CEPT1: variants seen among roughly 807,000 people sequenced by gnomAD.
CEPT1 encodes the protein choline/ethanolaminephosphotransferase 1.
In CEPT1, 7 loss-of-function variants were observed where a neutral mutation model predicts 42.6. That is an observed-to-expected ratio of 0.16 (90% confidence interval 0.09 to 0.31). The LOEUF (loss-of-function observed/expected upper bound fraction) is 0.31. CEPT1 is among the 10% of genes least tolerant of loss of function. CEPT1 has a pLI of 1.00. For synonymous variants in CEPT1, 171 were observed against 171.9 expected (o/e 0.99, Z 0.04); for missense variants, 306 against 502.1 (o/e 0.61, Z 3.73).
Position 111,140,272 on chromosome 1 carries a change from G to A in CEPT1, c.-109G>A, listed in dbSNP as rs1654354048. 2.6e-5 allele frequency: 4 copies of A among 152,446 alleles called. No homozygotes were observed. 9.4% of individuals were successfully genotyped at this position (152,446 alleles called of 1,614,324 possible). A position where few individuals can be genotyped will look rare whatever the true frequency, so the allele number is the denominator to read the frequency against. On this transcript the variant is annotated 5_prime_UTR_variant, in exon 1 of 9. Transcript: ENST00000357172. The stretch of plus-strand genomic sequence containing the variant: ...AGTCACCCAGTCGGCTGGAGTCGGA[G>A]GCGATATTTCTAGGGGTGTACTTGT...
At chr1:111,165,234 G>A (rs1269432565) in intron 4 of CEPT1, among the ~76,000 whole-genome samples, 3 of 150,824 alleles carry the variant, frequency 2.0e-5, no homozygotes, top group Non-Finnish European at 4.4e-5. Context: ...ATTTTTAGTA[G>A]AGACAGGGTT....
At chr1:111,155,100 A>G (rs998540886) in intron 2 of CEPT1, among the ~76,000 whole-genome samples, 1 of 152,132 alleles carries the variant, frequency 6.6e-6, no homozygotes, top group African/African-American at 2.4e-5. Flanking sequence ...CAGTAAAGGC[A>G]TTTGGTCCTG....
intron 1 of CEPT1, among the ~76,000 whole-genome samples, chr1:111,142,296 C>G (rs191466480): frequency 6.6e-6 from 1 of 152,126 alleles, no homozygotes; most frequent in Admixed American, 6.5e-5. Context: ...ATGTGTTTTC[C>G]TAGTTCTCCT....
At chr1:111,164,876 G>T (rs1656057165) in intron 4 of CEPT1, among the ~76,000 whole-genome samples, 1 of 151,616 alleles carries the variant, frequency 6.6e-6, no homozygotes, top group Admixed American at 6.6e-5. Context: ...GCCCACCTTG[G>T]CCTCCCAAAG....
intron 2 of CEPT1, among the ~76,000 whole-genome samples, chr1:111,151,859 A>G (rs1489665066): frequency 9.2e-5 from 14 of 152,154 alleles, no homozygotes; most frequent in Non-Finnish European, 1.5e-5. Context: ...AAATATTTTG[A>G]TTTTCTTCCT....
intron 2 of CEPT1, among the ~76,000 whole-genome samples, chr1:111,150,455 C>T (rs1372320971): frequency 6.6e-6 from 1 of 152,064 alleles, no homozygotes; most frequent in Non-Finnish European, 1.5e-5. Flanking sequence ...TCATCTAAGT[C>T]CTTATTTCTT....
At chr1:111,175,731 A>G (rs1273359398) in intron 5 of CEPT1, among the ~76,000 whole-genome samples, 2 of 152,170 alleles carry the variant, frequency 1.3e-5, no homozygotes, top group Non-Finnish European at 2.9e-5. Context: ...GTGCCTGTCA[A>G]ATAATAAGCA....
At chr1:111,170,660 G>A (rs529197846) in intron 4 of CEPT1, among the ~76,000 whole-genome samples, 1 of 152,238 alleles carries the variant, frequency 6.6e-6, no homozygotes, top group African/African-American at 2.4e-5. Flanking sequence ...AATCTATAAT[G>A]AATGTCATGC....
At chr1:111,164,693 G>A (rs541786897) in intron 4 of CEPT1, among the ~76,000 whole-genome samples, 12 of 151,884 alleles carry the variant, frequency 7.9e-5, no homozygotes, top group Admixed American at 2.0e-4. Context: ...GCACAACCTC[G>A]GCTCACTGCA....
chr1:111,153,360 C>T (rs989904861), intron 2 of CEPT1, among the ~76,000 whole-genome samples: 19 of 152,126 alleles, frequency 1.2e-4, no homozygotes, highest in Admixed American at 3.3e-4. Flanking sequence ...AGGCATACAC[C>T]GCCATACCTG....
chr1:111,167,919 G>T (rs1471650481), intron 4 of CEPT1: 3 of 478,154 alleles, frequency 6.3e-6, no homozygotes, highest in East Asian at 3.1e-4. Context: ...TTGAGATAGA[G>T]TCTCATTTTG....
intron 1 of CEPT1, among the ~76,000 whole-genome samples, chr1:111,145,382 ATTTAT>A (rs1358303517): frequency 6.6e-6 from 1 of 152,146 alleles, no homozygotes; most frequent in Non-Finnish European, 1.5e-5. Context: ...ATTTTTGAAA[ATTTAT>A]TTAAGGGCAT....
At chr1:111,178,134 G>A (rs1656779915) in intron 5 of CEPT1, 1 of 152,004 alleles carries the variant, frequency 6.6e-6, no homozygotes, top group Non-Finnish European at 1.5e-5. Flanking sequence ...TCACATTTTT[G>A]TGTGCCAAAT....
intron 2 of CEPT1, 47 bp downstream of exon 2, chr1:111,148,100 G>A (rs902917884): frequency 3.5e-6 from 5 of 1,426,370 alleles, no homozygotes; most frequent in Non-Finnish European, 4.9e-6. Flanking sequence ...TACCAAAAAC[G>A]TTGTAATTGG....
chr1:111,165,042 G>GTT (rs1656067717), intron 4 of CEPT1, among the ~76,000 whole-genome samples: 2 of 137,412 alleles, frequency 1.5e-5, no homozygotes, highest in South Asian at 2.4e-4. Context: ...TAAAACATCG[G>GTT]TCTTTTTTTT....
Position 111,154,187 on chromosome 1 carries a change from G to GTATTTTATTTTATTT in CEPT1, c.340-5142_340-5128dup, listed in dbSNP as rs201981261. On this transcript the variant is annotated intron_variant, in intron 2 of 8. Transcript: ENST00000357172. ...ACTCCTTGGTTAAATTTATTCCCAA[G>GTATTTTATTTTATTT]TATTTTATTTTATTTTATTTTATTT... Among the ~76,000 whole-genome samples, 121 of 131,148 alleles carry GTATTTTATTTTATTT rather than the reference G, an allele frequency of 9.2e-4. 2 individuals are homozygous for GTATTTTATTTTATTT. The East Asian group carries it at 0.013, about 14-fold the overall frequency. The allele number at this position is 131,148 out of a possible 152,430, so 86.0% of individuals were successfully genotyped here. A position where few individuals can be genotyped will look rare whatever the true frequency, so the allele number is the denominator to read the frequency against.
At chr1:111,176,337 A>T (rs575453392) in intron 5 of CEPT1, among the ~76,000 whole-genome samples, 4 of 152,210 alleles carry the variant, frequency 2.6e-5, no homozygotes, top group Non-Finnish European at 5.9e-5. Flanking sequence ...ATGGGAAGGA[A>T]ATAATAGTTT....
chr1:111,176,101 A>G (rs1037423752), intron 5 of CEPT1, among the ~76,000 whole-genome samples: 1 of 152,214 alleles, frequency 6.6e-6, no homozygotes, highest in South Asian at 2.1e-4. Context: ...TTTGTTGGGA[A>G]GATGAATCTG....
At chr1:111,143,988 C>T (rs1654810701) in intron 1 of CEPT1, among the ~76,000 whole-genome samples, 1 of 152,166 alleles carries the variant, frequency 6.6e-6, no homozygotes, top group Non-Finnish European at 1.5e-5. Flanking sequence ...CCTCAGCCTT[C>T]CAAAGTGCTG....
Sources: allele counts gnomAD v4.1 joint callset (sites outside exome capture counted in the v4.1 genomes callset), GRCh38; gene constraint gnomAD v4.1.1; transcripts MANE v1.5; gene names NCBI Gene and HGNC (gene_info 2026-07-23, HGNC 2026-07-21).